CCDC81: variants seen among roughly 807,000 people sequenced by gnomAD.
CCDC81 encodes the protein coiled-coil domain containing 81.
CCDC81 carries 79 observed loss-of-function variants against 83.7 expected under a neutral mutation model. That is an observed-to-expected ratio of 0.94 (90% CI 0.79 to 1.14). CCDC81 has a LOEUF of 1.14. Ranked by LOEUF, CCDC81 falls within the 50% of genes most tolerant of loss-of-function variation. The pLI is 0.00. For synonymous variants in CCDC81, 252 were observed against 278.1 expected (o/e 0.91, Z 0.93); for missense variants, 791 against 778.1 (o/e 1.02, Z -0.20).
chr11:86,407,796 T>G (rs1948582819), intron 8 of CCDC81, 95 bp downstream of exon 8: 4 of 931,458 alleles, frequency 4.3e-6, no homozygotes, highest in Non-Finnish European at 6.8e-6. Context: ...CTTAATTATA[T>G]GAGTATGGCT....
chr11:86,413,179 A>G (rs944216784), intron 11 of CCDC81, among the ~76,000 whole-genome samples: 1 of 150,460 alleles, frequency 6.6e-6, no homozygotes, highest in East Asian at 2.0e-4. Context: ...ACGTCATTCC[A>G]CTGGTTGATG....
intron 2 of CCDC81, among the ~76,000 whole-genome samples, 167 bp downstream of exon 2, chr11:86,386,279 T>G (rs956831418): frequency 1.3e-5 from 2 of 152,180 alleles, no homozygotes; most frequent in African/African-American, 4.8e-5. Context: ...TTGATGCTCA[T>G]GTTCGGACTT....
chr11:86,411,694 C>G (rs1948643488), intron 10 of CCDC81, among the ~76,000 whole-genome samples: 1 of 152,226 alleles, frequency 6.6e-6, no homozygotes, highest in South Asian at 2.1e-4. Context: ...ACAACCTACT[C>G]CAGGAGTCCT....
intron 9 of CCDC81, 24 bp downstream of exon 9, chr11:86,408,294 T>A: frequency 6.3e-7 from 1 of 1,592,752 alleles, no homozygotes; most frequent in Non-Finnish European, 8.5e-7. Flanking sequence ...TCGATTAGTC[T>A]TTAATATGGG....
In CCDC81 at chr11:86,409,384, T is replaced by C; in HGVS notation, c.1218+19T>C. 7.5e-7 allele frequency: 1 copy of C among 1,333,746 alleles called. No individual in the cohort carries two copies. The highest frequency in any genetic ancestry group is 1.5e-5 in the African/African-American group (1 of 66,532). 82.6% of individuals were successfully genotyped at this position (1,333,746 alleles called of 1,614,324 possible). A position where few individuals can be genotyped will look rare whatever the true frequency, so the allele number is the denominator to read the frequency against. ...ATTTTATGTAAGTCTTTTAAAAATT[T>C]CTGTTGCTAACACCTGGCCCATCTG... On this transcript the variant is annotated intron_variant, in intron 10 of 14. Transcript: ENST00000445632.
chr11:86,377,941 G>T (rs1948119582), intron 1 of CCDC81, among the ~76,000 whole-genome samples: 1 of 135,502 alleles, frequency 7.4e-6, no homozygotes. Context: ...TAATTTTTGT[G>T]AAAGGTGTAA....
chr11:86,411,313 G>A (rs936093156), intron 10 of CCDC81, among the ~76,000 whole-genome samples: 4 of 151,750 alleles, frequency 2.6e-5, no homozygotes, highest in African/African-American at 9.7e-5. Context: ...TATGGAACAC[G>A]GGTCTCCCTG....
At position 86,386,086 on chromosome 11, in the gene CCDC81, G is replaced by A; in HGVS notation, c.115G>A (p.Val39Met). The change falls in exon 2 of 15, where the codon GTG becomes ATG. Residue 39 changes from valine to methionine, a missense_variant. By Grantham distance (21) the Val-to-Met change is conservative. Coordinates refer to ENST00000445632, the MANE Select transcript of CCDC81 (RefSeq NM_001156474.2). Reference protein sequence around the residue: ...SIIWGNVSEFVRRQLTLHKGV... With the variant: ...SIIWGNVSEFMRRQLTLHKGV... ...TATCTGGGGGAATGTATCAGAATTT[G>A]TGAGACGGCAGTTAACCCTGCACAA... 1 of 1,510,856 alleles carries A rather than the reference G, an allele frequency of 6.6e-7. No homozygotes were observed. The highest frequency in any genetic ancestry group is 9.0e-7 in the Non-Finnish European group (1 of 1,114,172). 93.6% of individuals were successfully genotyped at this position (1,510,856 alleles called of 1,614,324 possible).
intron 1 of CCDC81, among the ~76,000 whole-genome samples, chr11:86,384,922 T>G (rs1205331676): frequency 6.6e-6 from 1 of 152,236 alleles, no homozygotes; most frequent in African/African-American, 2.4e-5. Context: ...ACATTAACAC[T>G]TTCATTATTG....
chr11:86,400,723 C>T lies in CCDC81; in HGVS notation c.803C>T (p.Pro268Leu). Residue 268 changes from proline (P) to leucine (L), a missense_variant, in exon 7 of 15, where the codon CCT becomes CTT. By Grantham distance (98) the Pro-to-Leu change is moderately conservative. Transcript: ENST00000445632. Reference protein sequence around the residue: ...KRLRDRQALFPAKVTNVSLLE... With the variant: ...KRLRDRQALFLAKVTNVSLLE... ...CTTCGAGATAGACAAGCTTTGTTCC[C>T]TGCCAAAGTGACAAATGTCAGCTTG... The T allele has an allele frequency of 6.2e-7, 1 of 1,613,072 alleles. No individual in the cohort carries two copies. Among genetic ancestry groups the T allele is most frequent in the Non-Finnish European group, 8.5e-7 (1 of 1,179,208 alleles).
At chr11:86,395,718 T>C (rs1337937826) in intron 5 of CCDC81, among the ~76,000 whole-genome samples, 1 of 152,164 alleles carries the variant, frequency 6.6e-6, no homozygotes, top group Non-Finnish European at 1.5e-5. Flanking sequence ...TCTCCTGGGT[T>C]CAAGCAATTC....
At chr11:86,382,443 C>A (rs1450090958) in intron 1 of CCDC81, among the ~76,000 whole-genome samples, 2 of 152,050 alleles carry the variant, frequency 1.3e-5, no homozygotes, top group Admixed American at 1.3e-4. Context: ...GAGTTCCTGG[C>A]TCATATAACT....
At chr11:86,375,353 T>C in intron 1 of CCDC81, 111 bp downstream of exon 1, 1 of 836,142 alleles carries the variant, frequency 1.2e-6, no homozygotes, top group South Asian at 1.7e-5. Flanking sequence ...TGGCCTGCCG[T>C]GGCTAAGTTG....
intron 13 of CCDC81, 45 bp from the exon 14 acceptor site, chr11:86,419,883 T>C: frequency 6.5e-7 from 1 of 1,549,338 alleles, no homozygotes; most frequent in South Asian, 1.3e-5. Context: ...ATTTGGTGCA[T>C]GCTCTTCCAA....
chr11:86,408,713 T>A (rs1392414959), intron 9 of CCDC81, among the ~76,000 whole-genome samples: 1 of 152,232 alleles, frequency 6.6e-6, no homozygotes, highest in African/African-American at 2.4e-5. Context: ...TATTTACTGT[T>A]AGACTAAAAC....
intron 7 of CCDC81, among the ~76,000 whole-genome samples, chr11:86,401,467 G>A (rs1015598148): frequency 2.0e-5 from 3 of 152,100 alleles, no homozygotes; most frequent in African/African-American, 7.2e-5. Context: ...TATCATATGT[G>A]CAATTTATGT....
rs765370728 is a variant in CCDC81, at chr11:86,397,687, T to C, written c.702T>C (p.Asn234=). Residue 234 remains asparagine (N), a synonymous_variant, in exon 6 of 15, where the codon AAT becomes AAC. Coordinates refer to ENST00000445632, the MANE Select transcript of CCDC81 (RefSeq NM_001156474.2). ...CCCTTGTAGAAGAATGTGGAGAGAA[T>C]AGAGAAAGGAAGTGCAAGTTAAAAG... The part of the protein sequence containing the change: ...METLVEECGE[N]RERKCKLKDQ... 1.6e-5 allele frequency: 26 copies of C among 1,613,534 alleles called. 1 individual carries two copies. In the South Asian group the frequency reaches 2.1e-4, roughly 13 times the overall value.
intron 3 of CCDC81, 125 bp downstream of exon 3, chr11:86,387,797 G>A: frequency 1.4e-6 from 1 of 697,118 alleles, no homozygotes. Flanking sequence ...CTTTTCACAA[G>A]GTGCTTTTGG....
chr11:86,410,091 G>A (rs370639734), intron 10 of CCDC81, among the ~76,000 whole-genome samples: 14 of 152,314 alleles, frequency 9.2e-5, no homozygotes, highest in Admixed American at 4.6e-4. Context: ...CAGGTGATTT[G>A]TATTTGCATT....
Sources: allele counts gnomAD v4.1 joint callset (sites outside exome capture counted in the v4.1 genomes callset), GRCh38; gene constraint gnomAD v4.1.1; transcripts MANE v1.5; gene names NCBI Gene and HGNC (gene_info 2026-07-23, HGNC 2026-07-21).